MACROD2: variants seen among roughly 807,000 people sequenced by gnomAD.
MACROD2 encodes the protein ADP-ribose glycohydrolase MACROD2.
MACROD2 carries 36 observed loss-of-function variants against 70.4 expected under a neutral mutation model. The ratio of observed to expected loss-of-function variants is 0.51; its 90% CI spans 0.39 to 0.68. The LOEUF (loss-of-function observed/expected upper bound fraction) is 0.68, where lower values mean the gene tolerates loss of function less well. Ranked by LOEUF, MACROD2 falls within the 30% of genes least tolerant of loss-of-function variation. The pLI is 0.00. For missense variants in MACROD2, 496 were observed against 538.4 expected, an observed-to-expected ratio of 0.92 and a Z score of 0.78; for synonymous variants, 172 against 178.8, an observed-to-expected ratio of 0.96 and a Z score of 0.30.
chr20:15,937,464 T>G lies in MACROD2; in HGVS notation c.839-12T>G. 6.2e-7 allele frequency: 1 copy of G among 1,613,036 alleles called. No homozygotes were observed. Among genetic ancestry groups the G allele is most frequent in the Non-Finnish European group, 8.5e-7 (1 of 1,179,288 alleles). On this transcript the variant is annotated splice_polypyrimidine_tract_variant and intron_variant, in intron 11 of 17. Transcript: ENST00000684519. ...ATGAACTCTGAGGCAGTGTTTCTTT[T>G]CTGCTTTATAGATGGTGTCAACACT...
At chr20:15,050,447 A>T (rs1027483369) in intron 5 of MACROD2, among the ~76,000 whole-genome samples, 1 of 151,806 alleles carries the variant, frequency 6.6e-6, no homozygotes, top group African/African-American at 2.4e-5. Context: ...CGATACTCAT[A>T]TATAAAAAGT....
At chr20:15,822,069 A>G (rs930573594) in intron 8 of MACROD2, among the ~76,000 whole-genome samples, 1 of 152,350 alleles carries the variant, frequency 6.6e-6, no homozygotes, top group African/African-American at 2.4e-5. Context: ...CTTTTAGTCA[A>G]GAAGCATTGA....
intron 3 of MACROD2, among the ~76,000 whole-genome samples, chr20:14,114,652 G>T (rs1052391662): frequency 1.1e-4 from 17 of 152,060 alleles, no homozygotes; most frequent in Admixed American, 1.1e-3. Flanking sequence ...TTTGAGAAAC[G>T]AGGAACGGGG....
chr20:14,066,963 C>G (rs1296073582), intron 2 of MACROD2, among the ~76,000 whole-genome samples: 2 of 151,286 alleles, frequency 1.3e-5, no homozygotes, highest in African/African-American at 2.4e-5. Context: ...AGGCGCCCAC[C>G]ACCACGCCCG....
chr20:15,119,119 A>G (rs2076012525), intron 5 of MACROD2, among the ~76,000 whole-genome samples: 2 of 152,146 alleles, frequency 1.3e-5, no homozygotes, highest in Admixed American at 1.3e-4. Flanking sequence ...CAATCGGAAG[A>G]CCTGGGAATA....
chr20:15,136,774 C>G (rs1362653012), intron 5 of MACROD2, among the ~76,000 whole-genome samples: 1 of 152,074 alleles, frequency 6.6e-6, no homozygotes, highest in Non-Finnish European at 1.5e-5. Context: ...AATGAACAGG[C>G]AACCTACAGA....
At chr20:14,788,376 A>G (rs989305106) in intron 5 of MACROD2, among the ~76,000 whole-genome samples, 3 of 151,898 alleles carry the variant, frequency 2.0e-5, no homozygotes, top group Admixed American at 6.6e-5. Context: ...CTTGAGTCCA[A>G]GAGTTCAAGA....
chr20:14,846,217 G>A (rs557714748), intron 5 of MACROD2, among the ~76,000 whole-genome samples: 1 of 152,176 alleles, frequency 6.6e-6, no homozygotes, highest in East Asian at 1.9e-4. Flanking sequence ...GCATTAAAAT[G>A]TCAACTTTTT....
chr20:14,273,458 C>T (rs552554705), intron 3 of MACROD2, among the ~76,000 whole-genome samples: 15 of 148,490 alleles, frequency 1.0e-4, no homozygotes, highest in African/African-American at 3.2e-4. Context: ...AGAACAAAGA[C>T]ACAACATACC....
intron 3 of MACROD2, among the ~76,000 whole-genome samples, chr20:14,143,535 T>TC (rs2054904215): frequency 6.6e-6 from 1 of 152,112 alleles, no homozygotes; most frequent in Non-Finnish European, 1.5e-5. Context: ...GTGGAATTCC[T>TC]GTTTGATGAC....
chr20:15,487,801 G>A (rs2146466918), intron 7 of MACROD2, among the ~76,000 whole-genome samples: 1 of 152,300 alleles, frequency 6.6e-6, no homozygotes, highest in Non-Finnish European at 1.5e-5. Context: ...ACAAACTCAG[G>A]CCTTCAGGGG....
In MACROD2 at chr20:14,178,726, CTTTTTTTTTTTT is replaced by C. The variant is rs79773305; in HGVS notation, c.271+93010_271+93021del. On this transcript the variant is annotated intron_variant, in intron 3 of 17. Transcript: ENST00000684519. ...AAATAATTGAAATCAGCCAAGTCAGCTTTTTTTTTTTTTTTTTTTTTTTGACCGTAGTGAGGA... is the reference window on the plus strand; with the variant it reads ...AAATAATTGAAATCAGCCAAGTCAGCTTTTTTTTTTTGACCGTAGTGAGGA... 6.3e-4 allele frequency among the ~76,000 whole-genome samples: 65 copies of C among 102,984 alleles called. No individual in the cohort carries two copies. The East Asian group carries it at 0.018, about 28-fold the overall frequency. The allele number at this position is 102,984 out of a possible 152,430, so 67.6% of individuals were successfully genotyped here. A position where few individuals can be genotyped will look rare whatever the true frequency, so the allele number is the denominator to read the frequency against.
At chr20:15,728,802 T>C (rs900807088) in intron 8 of MACROD2, among the ~76,000 whole-genome samples, 3 of 152,112 alleles carry the variant, frequency 2.0e-5, no homozygotes, top group African/African-American at 7.2e-5. Context: ...TTAGACTAGC[T>C]AGTGTCCTAT....
At chr20:14,414,270 AT>A (rs1301423917) in intron 3 of MACROD2, among the ~76,000 whole-genome samples, 1 of 152,050 alleles carries the variant, frequency 6.6e-6, no homozygotes, top group African/African-American at 2.4e-5. Flanking sequence ...ATTCGTCTCC[AT>A]TTCCCAGAAA....
chr20:15,540,933 G>C (rs1393753038), intron 8 of MACROD2, among the ~76,000 whole-genome samples: 3 of 152,122 alleles, frequency 2.0e-5, no homozygotes, highest in African/African-American at 7.2e-5. Flanking sequence ...TTGGACTAGA[G>C]GCCCACCTTA....
chr20:15,713,022 G>C (rs1191333746), intron 8 of MACROD2, among the ~76,000 whole-genome samples: 1 of 152,022 alleles, frequency 6.6e-6, no homozygotes, highest in South Asian at 2.1e-4. Context: ...AGTCATTAAG[G>C]GTCTGGCTTC....
In MACROD2 at chr20:14,947,740, AC is replaced by A. The variant is rs998777560; in HGVS notation, c.418+262782del. Among the ~76,000 whole-genome samples, 5 of 152,224 alleles carry A rather than the reference AC, an allele frequency of 3.3e-5. No individual in the cohort carries two copies. The South Asian group carries it at 1.0e-3, about 32-fold the overall frequency. ...CTGGCCCTAAAACTGCAGAATGACC[AC>A]TGACCTAAGGCATTCAGACTCCAGA... On this transcript the variant is annotated intron_variant, in intron 5 of 17. Transcript: ENST00000684519.
At chr20:14,437,112 C>T (rs2084064831) in intron 3 of MACROD2, among the ~76,000 whole-genome samples, 1 of 152,044 alleles carries the variant, frequency 6.6e-6, no homozygotes, top group South Asian at 2.1e-4. Flanking sequence ...AAGCCATTAA[C>T]TATATTTTAG....
rs193013000 is a variant in MACROD2, at chr20:15,163,452, C to G, written c.419-66488C>G. Among the ~76,000 whole-genome samples, 20 of 152,110 alleles carry G rather than the reference C, an allele frequency of 1.3e-4. No individual in the cohort carries two copies. The East Asian group carries it at 3.5e-3, about 26-fold the overall frequency. On this transcript the variant is annotated intron_variant, in intron 5 of 17. Transcript: ENST00000684519. ...TAGTAGGAGATTTAGAAATAGCATT[C>G]TCACTAATTAAGAGGTAAATCTAAT...
Sources: gnomAD v4.1 joint callset for allele counts (sites outside exome capture counted in the v4.1 genomes callset) on GRCh38, gnomAD v4.1.1 for gene constraint, MANE v1.5 for transcripts, NCBI Gene and HGNC (gene_info 2026-07-23, HGNC 2026-07-21) for gene names.